SLC16A7: variants seen among roughly 807,000 people sequenced by gnomAD.
SLC16A7 encodes solute carrier family 16 member 7, also known as monocarboxylate transporter 2.
A neutral mutation model predicts 34.9 loss-of-function variants in SLC16A7; 33 were observed. That is an observed-to-expected ratio of 0.94 (90% CI 0.72 to 1.26). The LOEUF (loss-of-function observed/expected upper bound fraction) is 1.26, where lower values mean the gene tolerates loss of function less well. Ranked by LOEUF, SLC16A7 falls within the 50% of genes most tolerant of loss-of-function variation. The pLI is 0.00. For missense variants in SLC16A7, 573 were observed against 578.1 expected (o/e 0.99, Z 0.09); for synonymous variants, 201 against 206.6 (o/e 0.97, Z 0.23).
At chr12:59,645,842 G>C (rs1406488052) in intron 1 of SLC16A7, among the ~76,000 whole-genome samples, 1 of 152,044 alleles carries the variant, frequency 6.6e-6, no homozygotes, top group Non-Finnish European at 1.5e-5. Flanking sequence ...GATAGTAATA[G>C]GGACAATGAA....
At chr12:59,724,218 G>A (rs1350715226) in intron 3 of SLC16A7, among the ~76,000 whole-genome samples, 2 of 152,022 alleles carry the variant, frequency 1.3e-5, no homozygotes, top group East Asian at 3.9e-4. Flanking sequence ...TTCTACTGCT[G>A]AGGATTAAGT....
intron 2 of SLC16A7, among the ~76,000 whole-genome samples, chr12:59,679,818 A>G (rs550009872): frequency 2.6e-5 from 4 of 152,286 alleles, no homozygotes; most frequent in Admixed American, 2.6e-4. Context: ...CCTTGATTTA[A>G]TCATAAGGGC....
intron 1 of SLC16A7, among the ~76,000 whole-genome samples, chr12:59,608,305 A>G (rs528533346): frequency 6.6e-6 from 1 of 152,314 alleles, no homozygotes; most frequent in South Asian, 2.1e-4. Flanking sequence ...ATGTAACAAT[A>G]AAGTGCTTGA....
chr12:59,772,185 C>A (rs1882298656), intron 4 of SLC16A7, among the ~76,000 whole-genome samples: 2 of 152,144 alleles, frequency 1.3e-5, no homozygotes, highest in African/African-American at 4.8e-5. Context: ...TGTAATCTTA[C>A]ACTCATGCAT....
At chr12:59,609,985 A>T (rs1879121585) in intron 1 of SLC16A7, among the ~76,000 whole-genome samples, 1 of 152,188 alleles carries the variant, frequency 6.6e-6, no homozygotes, top group South Asian at 2.1e-4. Context: ...TCATTCCCTG[A>T]CAACCTCAGC....
chr12:59,640,657 T>C (rs981868560), intron 1 of SLC16A7, among the ~76,000 whole-genome samples: 1 of 152,120 alleles, frequency 6.6e-6, no homozygotes, highest in African/African-American at 2.4e-5. Flanking sequence ...TTTTTTTCAA[T>C]GATTTTTTCC....
intron 2 of SLC16A7, among the ~76,000 whole-genome samples, chr12:59,682,930 G>A (rs1390091213): frequency 2.6e-5 from 4 of 152,116 alleles, no homozygotes; most frequent in Non-Finnish European, 5.9e-5. Flanking sequence ...GCCAGGCGTG[G>A]TGGTGGGTGC....
chr12:59,652,865 C>T (rs1345810137), intron 1 of SLC16A7, among the ~76,000 whole-genome samples: 1 of 151,744 alleles, frequency 6.6e-6, no homozygotes, highest in Non-Finnish European at 1.5e-5. Context: ...CTGTGATTTA[C>T]ACATGCATGC....
rs1032704394 is a variant in SLC16A7 at position 59,780,246 on chromosome 12, T to TGAA, written c.*570_*572dup. 2 of 151,786 alleles carry TGAA rather than the reference T, an allele frequency of 1.3e-5. No homozygotes were observed. The highest frequency in any genetic ancestry group is 4.8e-5 in the African/African-American group (2 of 41,310). The allele number at this position is 151,786 out of a possible 1,614,324, so 9.4% of individuals were successfully genotyped here. On this transcript the variant is annotated 3_prime_UTR_variant, in exon 6 of 6. Transcript: ENST00000547379. Reference sequence around the variant, plus strand: ...TTATTTTTAAGGTAAAAATAATCCATGAAGATAAAAGAAACATATGTCTGC... The same window carrying TGAA: ...TTATTTTTAAGGTAAAAATAATCCATGAAGAAGATAAAAGAAACATATGTCTGC...
At chr12:59,771,444 C>G (rs1271446153) in intron 4 of SLC16A7, 82 bp downstream of exon 4, 6 of 990,890 alleles carry the variant, frequency 6.1e-6, no homozygotes, top group Non-Finnish European at 8.4e-6. Context: ...ACAGAAAATT[C>G]TTATTTTCTT....
intron 1 of SLC16A7, among the ~76,000 whole-genome samples, chr12:59,637,676 C>T (rs781036136): frequency 4.6e-5 from 7 of 152,094 alleles, no homozygotes; most frequent in African/African-American, 9.7e-5. Flanking sequence ...GGAAAACCGT[C>T]TGTTTTATGT....
chr12:59,720,632 C>T (rs560635703), intron 3 of SLC16A7, among the ~76,000 whole-genome samples: 1 of 152,050 alleles, frequency 6.6e-6, no homozygotes, highest in South Asian at 2.1e-4. Flanking sequence ...ATCCAATCTC[C>T]TCCCCACTCC....
chr12:59,766,314 C>T (rs1195518357), intron 3 of SLC16A7, among the ~76,000 whole-genome samples: 3 of 152,088 alleles, frequency 2.0e-5, no homozygotes, highest in Non-Finnish European at 4.4e-5. Flanking sequence ...TAATTGAATG[C>T]CGTTTATTTC....
At chr12:59,598,490 AT>A (rs11381944) in intron 1 of SLC16A7, among the ~76,000 whole-genome samples, 1 of 151,954 alleles carries the variant, frequency 6.6e-6, no homozygotes, top group East Asian at 1.9e-4. Context: ...CTTTTAGTCC[AT>A]TTTTTTTCTC....
intron 3 of SLC16A7, among the ~76,000 whole-genome samples, chr12:59,761,476 A>G (rs956643856): frequency 1.8e-4 from 28 of 152,250 alleles, no homozygotes; most frequent in Admixed American, 1.5e-3. Flanking sequence ...TATTGTTTAC[A>G]TCTGAATCTA....
In SLC16A7 at chr12:59,782,426, T is replaced by C. The variant is rs896960463; in HGVS notation, c.*2747T>C. ...AGTCACATAAATGGAGGAGGAGATA[T>C]ATTTGGCTTCTGCCTCTGCAACAAT... On this transcript the variant is annotated 3_prime_UTR_variant, in exon 6 of 6. Transcript: ENST00000547379. The C allele has an allele frequency of 2.0e-5, 3 of 152,204 alleles. No homozygotes were observed. The highest frequency in any genetic ancestry group is 4.4e-5 in the Non-Finnish European group (3 of 68,028). 9.4% of individuals were successfully genotyped at this position (152,204 alleles called of 1,614,324 possible). A position where few individuals can be genotyped will look rare whatever the true frequency, so the allele number is the denominator to read the frequency against.
chr12:59,625,274 A>G (rs1592404555), intron 1 of SLC16A7, among the ~76,000 whole-genome samples: 1 of 151,778 alleles, frequency 6.6e-6, no homozygotes, highest in Non-Finnish European at 1.5e-5. Flanking sequence ...TTCTGTTGCA[A>G]TGCAAAATGA....
intron 1 of SLC16A7, among the ~76,000 whole-genome samples, chr12:59,636,034 C>T (rs1233316568): frequency 2.7e-5 from 4 of 146,972 alleles, no homozygotes; most frequent in Non-Finnish European, 4.5e-5. Context: ...GTAGGGTATG[C>T]TGAATGTGAA....
At chr12:59,727,081 G>T (rs1395302769) in intron 3 of SLC16A7, among the ~76,000 whole-genome samples, 1 of 150,882 alleles carries the variant, frequency 6.6e-6, no homozygotes, top group Non-Finnish European at 1.5e-5. Flanking sequence ...ACTGGTGTTG[G>T]AGGAACTTTA....
Sources: allele counts gnomAD v4.1 joint callset (sites outside exome capture counted in the v4.1 genomes callset), GRCh38; gene constraint gnomAD v4.1.1; transcripts MANE v1.5; gene names NCBI Gene and HGNC (gene_info 2026-07-23, HGNC 2026-07-21).